Variants in DMD observed in about 807,000 individuals in gnomAD.
DMD encodes the protein mutant dystrophin.
DMD carries 63 observed loss-of-function variants against 330.1 expected under a neutral mutation model. That is an observed-to-expected ratio of 0.19 (90% CI 0.16 to 0.24). The LOEUF (loss-of-function observed/expected upper bound fraction) is 0.24, where lower values mean the gene tolerates loss of function less well. DMD is among the 10% of genes least tolerant of loss of function. The pLI, the probability that DMD is intolerant of heterozygous loss-of-function variation, is 1.00. For missense variants in DMD, 3,344 were observed against 2,684.1 expected (o/e 1.25, Z -5.43); for synonymous variants, 1,223 against 959.8 (o/e 1.27, Z -5.07).
rs906487297 is a variant in DMD, at chrX:32,415,498, C to T, written c.4072-3585G>A. Among the ~76,000 whole-genome samples the T allele has an allele frequency of 5.4e-5, 6 of 112,149 alleles. No individual in the cohort carries two copies. The Admixed American group carries it at 5.7e-4, about 11-fold the overall frequency. Reference sequence around the variant, plus strand: ...TTTCTAAACATCTGATTAGGCGCACCCTGATGGAATGTCAGGCTTATGAAT... The same window carrying T: ...TTTCTAAACATCTGATTAGGCGCACTCTGATGGAATGTCAGGCTTATGAAT... On this transcript the variant is annotated intron_variant, in intron 29 of 78. Coordinates refer to ENST00000357033, the MANE Select transcript of DMD (RefSeq NM_004006.3).
At chrX:33,329,614 T>C (rs980283004) in intron 1 of DMD, among the ~76,000 whole-genome samples, 2 of 111,763 alleles carry the variant, frequency 1.8e-5, no homozygotes, top group African/African-American at 6.5e-5. Flanking sequence ...ACAAATTAGA[T>C]AGATCTCACA....
chrX:31,838,207 G>C, intron 48 of DMD, among the ~76,000 whole-genome samples: 1 of 111,428 alleles, frequency 9.0e-6, no homozygotes. Flanking sequence ...ATTCACCCTT[G>C]AATACCGCAT....
intron 57 of DMD, among the ~76,000 whole-genome samples, chrX:31,496,175 T>C (rs772512646): frequency 8.9e-6 from 1 of 111,977 alleles, no homozygotes; most frequent in Non-Finnish European, 1.9e-5. Context: ...AAAGACCAAC[T>C]AACCAAAGTA....
At chrX:33,290,031 C>T (rs1268541444) in intron 1 of DMD, among the ~76,000 whole-genome samples, 2 of 111,392 alleles carry the variant, frequency 1.8e-5, no homozygotes, top group Non-Finnish European at 3.8e-5. Flanking sequence ...GAATTCCACC[C>T]CAAATGTGCT....
At chrX:32,833,420 A>G (rs1411353510) in intron 4 of DMD, among the ~76,000 whole-genome samples, 2 of 110,499 alleles carry the variant, frequency 1.8e-5, no homozygotes, top group African/African-American at 6.5e-5. Flanking sequence ...AATGCAAACT[A>G]AACTTTTTGG....
Position 31,170,449 on chromosome X carries a change from C to T in DMD, c.10395-848G>A, listed in dbSNP as rs149393221. On this transcript the variant is annotated intron_variant, in intron 73 of 78. Coordinates refer to ENST00000357033, the MANE Select transcript of DMD (RefSeq NM_004006.3). ...TTTCTGAATGCATTGCTCCAAGCTC[C>T]GGAAAGGCCTGTTTACCTCCAAGTT... 3.7e-3 allele frequency among the ~76,000 whole-genome samples: 405 copies of T among 110,626 alleles called. 5 individuals carry two copies. Among genetic ancestry groups the T allele is most frequent in the African/African-American group, 0.012 (372 of 30,495 alleles).
At chrX:31,368,915 GT>G (rs1185657952) in intron 60 of DMD, among the ~76,000 whole-genome samples, 1 of 111,386 alleles carries the variant, frequency 9.0e-6, no homozygotes, top group African/African-American at 3.3e-5. Context: ...CAAAGTACTG[GT>G]ATTACAGGCA....
chrX:32,763,780 C>T (rs966063486), intron 7 of DMD, among the ~76,000 whole-genome samples: 2 of 111,517 alleles, frequency 1.8e-5, no homozygotes, highest in Non-Finnish European at 3.8e-5. Flanking sequence ...AAAAACATGT[C>T]TCTATTGACT....
intron 54 of DMD, among the ~76,000 whole-genome samples, chrX:31,634,730 T>G (rs748672820): frequency 7.2e-5 from 8 of 111,129 alleles, no homozygotes; most frequent in African/African-American, 9.8e-5. Flanking sequence ...AATTATACAC[T>G]TTCCCTAAAA....
chrX:32,542,441 G>A (rs190385177), intron 17 of DMD, among the ~76,000 whole-genome samples: 3 of 111,543 alleles, frequency 2.7e-5, no homozygotes, highest in Non-Finnish European at 1.9e-5. Flanking sequence ...CAAAATAAAA[G>A]AAGTCAGAAA....
At chrX:32,406,034 C>T (rs1432860822) in intron 30 of DMD, among the ~76,000 whole-genome samples, 2 of 111,344 alleles carry the variant, frequency 1.8e-5, no homozygotes, top group Non-Finnish European at 3.8e-5. Context: ...GGAGTTCACT[C>T]ATGATTTGGC....
At chrX:31,943,760 G>A (rs1326070759) in intron 45 of DMD, among the ~76,000 whole-genome samples, 1 of 109,461 alleles carries the variant, frequency 9.1e-6, no homozygotes, top group African/African-American at 3.3e-5. Flanking sequence ...TGAATTCCTC[G>A]TGGTAGTAAT....
At chrX:31,232,956 T>A (rs2047362654) in intron 63 of DMD, among the ~76,000 whole-genome samples, 1 of 112,429 alleles carries the variant, frequency 8.9e-6, no homozygotes. Flanking sequence ...CTAAGCACTT[T>A]CTTTTTTGCC....
intron 1 of DMD, among the ~76,000 whole-genome samples, chrX:33,078,129 G>A (rs1396961961): frequency 9.0e-6 from 1 of 111,223 alleles, no homozygotes; most frequent in African/African-American, 3.3e-5. Flanking sequence ...CTCCTCTTGA[G>A]GTCCCAAGAT....
chrX:32,951,377 T>A (rs1325229417), intron 2 of DMD, among the ~76,000 whole-genome samples: 1 of 111,861 alleles, frequency 8.9e-6, no homozygotes, highest in East Asian at 2.8e-4. Context: ...GGGGAAAATA[T>A]CAATATTTGA....
At chrX:32,186,699 A>C (rs747859499) in intron 44 of DMD, among the ~76,000 whole-genome samples, 2 of 111,100 alleles carry the variant, frequency 1.8e-5, no homozygotes, top group South Asian at 7.4e-4. Context: ...GTTTTGCTGT[A>C]GTTTGATTTA....
chrX:32,594,393 G>C (rs2149258752), intron 13 of DMD, among the ~76,000 whole-genome samples: 1 of 111,537 alleles, frequency 9.0e-6, no homozygotes, highest in East Asian at 2.9e-4. Flanking sequence ...GAAGGCGTGA[G>C]ATGGGCACTC....
At chrX:32,565,047 C>A (rs948713598) in intron 16 of DMD, among the ~76,000 whole-genome samples, 1 of 111,446 alleles carries the variant, frequency 9.0e-6, no homozygotes, top group Non-Finnish European at 1.9e-5. Flanking sequence ...AGAGGTTCAA[C>A]TTTTAACGAT....
intron 44 of DMD, among the ~76,000 whole-genome samples, chrX:31,996,141 T>C (rs1019697440): frequency 4.5e-5 from 5 of 111,494 alleles, no homozygotes; most frequent in Admixed American, 9.5e-5. Context: ...TGGAGAGAAA[T>C]TGGAAAAAAA....
Sources: allele counts gnomAD v4.1 joint callset (sites outside exome capture counted in the v4.1 genomes callset), GRCh38; gene constraint gnomAD v4.1.1; transcripts MANE v1.5; gene names NCBI Gene and HGNC (gene_info 2026-07-23, HGNC 2026-07-21).